Variants in TMEM132C observed in about 807,000 individuals in gnomAD.
TMEM132C encodes the protein transmembrane protein 132C.
In TMEM132C, 29 loss-of-function variants were observed where a neutral mutation model predicts 61.4. That is an observed-to-expected ratio of 0.47 (90% CI 0.35 to 0.64). The LOEUF is 0.64. Ranked by LOEUF, TMEM132C falls within the 30% of genes least tolerant of loss-of-function variation. The pLI is 0.00. For synonymous variants in TMEM132C, 656 were observed against 633.1 expected, an observed-to-expected ratio of 1.04 and a Z score of -0.54; for missense variants, 1,408 against 1,476.9, an observed-to-expected ratio of 0.95 and a Z score of 0.76.
chr12:128,470,956 T>C (rs1165022787), intron 2 of TMEM132C, among the ~76,000 whole-genome samples: 1 of 152,222 alleles, frequency 6.6e-6, no homozygotes, highest in Non-Finnish European at 1.5e-5. Context: ...ATGTTTTCTG[T>C]ACTTTCACTC....
At chr12:128,344,359 C>T (rs952200719) in intron 1 of TMEM132C, among the ~76,000 whole-genome samples, 3 of 152,096 alleles carry the variant, frequency 2.0e-5, no homozygotes, top group Admixed American at 6.5e-5. Context: ...AGGGTTTCAC[C>T]GTGTTAGCCA....
At chr12:128,487,800 G>A (rs1047991847) in intron 2 of TMEM132C, among the ~76,000 whole-genome samples, 1 of 151,946 alleles carries the variant, frequency 6.6e-6, no homozygotes, top group African/African-American at 2.4e-5. Context: ...CATCTCCATA[G>A]GTCAGTTTTG....
At position 128,570,597 on chromosome 12, in the gene TMEM132C, G is replaced by A. The variant is rs1396538249; in HGVS notation, c.1121+26494G>A. 6.6e-6 allele frequency among the ~76,000 whole-genome samples: 1 copy of A among 152,030 alleles called. No homozygotes were observed. Among genetic ancestry groups the A allele is most frequent in the East Asian group, 1.9e-4 (1 of 5,192 alleles). On this transcript the variant is annotated intron_variant, in intron 3 of 8. Coordinates refer to ENST00000435159, the MANE Select transcript of TMEM132C (RefSeq NM_001136103.3). The surrounding 1 kb of genome is among the most constrained non-coding windows in gnomAD (Gnocchi z 4.7). ...GAAGTTCAGAGGCTAGGGTTAGGCTGTGGCTGGCTCAGTGTCTCCACAACG... is the reference window on the plus strand; with the variant it reads ...GAAGTTCAGAGGCTAGGGTTAGGCTATGGCTGGCTCAGTGTCTCCACAACG...
chr12:128,642,742 T>C (rs61940566), intron 4 of TMEM132C, among the ~76,000 whole-genome samples: 15,712 of 152,210 alleles, frequency 0.1, 907 homozygotes, highest in African/African-American at 0.14. Context: ...TCTTTATAAG[T>C]TACTCAGCCT....
At chr12:128,430,304 C>T (rs972269471) in intron 2 of TMEM132C, among the ~76,000 whole-genome samples, 37 of 152,116 alleles carry the variant, frequency 2.4e-4, no homozygotes, top group Admixed American at 2.2e-3. Flanking sequence ...GCACAAATGA[C>T]GGATGGGAGG....
At chr12:128,654,051 T>G (rs75777712) in intron 4 of TMEM132C, among the ~76,000 whole-genome samples, 2,427 of 152,350 alleles carry the variant, frequency 0.016, 61 homozygotes, top group African/African-American at 0.056. Context: ...GAAAATTCTT[T>G]GCAAAGAATA....
chr12:128,598,852 G>GGGGTGGGGTTT (rs1876064685), intron 3 of TMEM132C, among the ~76,000 whole-genome samples: 3 of 150,554 alleles, frequency 2.0e-5, no homozygotes, highest in African/African-American at 7.3e-5. Context: ...GGGTGGGGCT[G>GGGGTGGGGTTT]GGGTGGGGTT....
intron 1 of TMEM132C, among the ~76,000 whole-genome samples, chr12:128,362,901 T>C (rs916503137): frequency 7.2e-5 from 11 of 152,318 alleles, no homozygotes; most frequent in African/African-American, 2.6e-4. Flanking sequence ...TCTGAAAATA[T>C]GGCAAAGTGA....
At chr12:128,523,916 G>A (rs1872996256) in intron 2 of TMEM132C, among the ~76,000 whole-genome samples, 1 of 151,930 alleles carries the variant, frequency 6.6e-6, no homozygotes, top group Admixed American at 6.6e-5. Context: ...AGGAGGCTGA[G>A]GTGGGAGGAT....
chr12:128,679,110 C>T (rs532520692), intron 5 of TMEM132C, among the ~76,000 whole-genome samples: 4 of 152,302 alleles, frequency 2.6e-5, no homozygotes, highest in East Asian at 1.9e-4. Context: ...GCAGGTGACA[C>T]GCCTGGCACA....
intron 1 of TMEM132C, among the ~76,000 whole-genome samples, chr12:128,413,326 T>C (rs1336623674): frequency 1.1e-5 from 1 of 89,516 alleles, no homozygotes; most frequent in Non-Finnish European, 2.3e-5. Flanking sequence ...AAAAAACCAA[T>C]GTTGCAATAA....
chr12:128,555,903 A>G (rs1394333539), intron 3 of TMEM132C, among the ~76,000 whole-genome samples: 1 of 151,940 alleles, frequency 6.6e-6, no homozygotes, highest in African/African-American at 2.4e-5. Flanking sequence ...TTGTGTGTGG[A>G]AAAAGGGTCT....
intron 3 of TMEM132C, among the ~76,000 whole-genome samples, chr12:128,577,883 A>G (rs960614395): frequency 6.6e-6 from 1 of 152,216 alleles, no homozygotes; most frequent in Admixed American, 6.5e-5. Context: ...CCCTCAAATG[A>G]GGACTCTGCA....
intron 2 of TMEM132C, among the ~76,000 whole-genome samples, chr12:128,419,497 A>C (rs1868908149): frequency 6.6e-6 from 1 of 152,056 alleles, no homozygotes. Flanking sequence ...GTTGTCATTC[A>C]GTTCTTCTAA....
chr12:128,317,272 T>C (rs1423514420), intron 1 of TMEM132C, among the ~76,000 whole-genome samples: 1 of 152,200 alleles, frequency 6.6e-6, no homozygotes, highest in Non-Finnish European at 1.5e-5. Context: ...TGGGTTGCCA[T>C]GTGGTTATAC....
At chr12:128,502,645 G>A in intron 2 of TMEM132C, among the ~76,000 whole-genome samples, 1 of 152,236 alleles carries the variant, frequency 6.6e-6, no homozygotes, top group East Asian at 1.9e-4. Context: ...TCAGGATGGA[G>A]AGGAAGATTC....
intron 2 of TMEM132C, among the ~76,000 whole-genome samples, chr12:128,493,779 A>G (rs995808784): frequency 7.9e-5 from 12 of 152,304 alleles, no homozygotes; most frequent in African/African-American, 2.6e-4. Context: ...TAGGTATACA[A>G]TCATGTCATC....
chr12:128,558,332 G>T (rs933376811), intron 3 of TMEM132C, among the ~76,000 whole-genome samples: 1 of 152,174 alleles, frequency 6.6e-6, no homozygotes, highest in Non-Finnish European at 1.5e-5. Flanking sequence ...GGAGGGACCC[G>T]GTGGGAGGGA....
At chr12:128,312,515 A>C (rs1872006519) in intron 1 of TMEM132C, among the ~76,000 whole-genome samples, 1 of 152,178 alleles carries the variant, frequency 6.6e-6, no homozygotes, top group African/African-American at 2.4e-5. Context: ...CATATTGCCC[A>C]GGCTGACTGG....
Sources: gnomAD v4.1 joint callset for allele counts (sites outside exome capture counted in the v4.1 genomes callset) on GRCh38, gnomAD v4.1.1 for gene constraint, Gnocchi (gnomAD v3.1) non-coding constraint, MANE v1.5 for transcripts, NCBI Gene and HGNC (gene_info 2026-07-23, HGNC 2026-07-21) for gene names.